Variants in DISC1 observed in about 807,000 individuals in gnomAD.
DISC1 encodes disrupted in schizophrenia 1 protein.
DISC1 carries 57 observed loss-of-function variants against 84.5 expected under a neutral mutation model. The observed-to-expected ratio is 0.67, with a 90% confidence interval of 0.55 to 0.84. The LOEUF (loss-of-function observed/expected upper bound fraction) is 0.84, where lower values mean the gene tolerates loss of function less well. Among genes scored for constraint, DISC1 ranks in the 40% least tolerant of loss-of-function variants. The pLI is 0.00. For synonymous variants in DISC1, 411 were observed against 415.2 expected, an observed-to-expected ratio of 0.99 and a Z score of 0.12; for missense variants, 1,000 against 1,057.8, an observed-to-expected ratio of 0.95 and a Z score of 0.76.
intron 9 of DISC1, among the ~76,000 whole-genome samples, chr1:231,908,715 T>C (rs1044985363): frequency 2.0e-5 from 3 of 152,200 alleles, no homozygotes; most frequent in Non-Finnish European, 4.4e-5. Flanking sequence ...AGAAAGTCAT[T>C]GGTAGCTTGA....
At position 231,694,047 on chromosome 1, in the gene DISC1, A is replaced by G; in HGVS notation, c.289A>G (p.Ser97Gly). The G allele has an allele frequency of 6.2e-7, 1 of 1,614,126 alleles. No homozygotes were observed. Among genetic ancestry groups the G allele is most frequent in the Non-Finnish European group, 8.5e-7 (1 of 1,180,010 alleles). Residue 97 changes from serine (S) to glycine (G), a missense_variant, in exon 2 of 13, where the codon AGC (serine) becomes GGC (glycine). By Grantham distance (56) the Ser-to-Gly change is moderately conservative. Transcript: ENST00000439617. Reference sequence around the variant, plus strand: ...TGACTCGAGAGGCCTCTTGGTCCGGAGCCCTGTTTCCAAGAGTGCAGCAGC... The same window carrying G: ...TGACTCGAGAGGCCTCTTGGTCCGGGGCCCTGTTTCCAAGAGTGCAGCAGC... ...GLDSRGLLVR[S>G]PVSKSAAAPT... is the part of the protein sequence containing the mutation.
intron 7 of DISC1, among the ~76,000 whole-genome samples, chr1:231,798,497 G>T (rs560997587): frequency 1.3e-5 from 2 of 152,156 alleles, no homozygotes; most frequent in Non-Finnish European, 2.9e-5. Flanking sequence ...ACATAGACTG[G>T]ATGAGACATA....
intron 10 of DISC1, among the ~76,000 whole-genome samples, chr1:231,974,894 A>C (rs1662561399): frequency 6.6e-6 from 1 of 152,144 alleles, no homozygotes; most frequent in Non-Finnish European, 1.5e-5. Flanking sequence ...AGGTCAAGAG[A>C]TCAAGACCAT....
chr1:231,866,963 C>G (rs759667906), intron 9 of DISC1, among the ~76,000 whole-genome samples: 2 of 152,216 alleles, frequency 1.3e-5, no homozygotes, highest in Non-Finnish European at 2.9e-5. Context: ...CCTCATTTAT[C>G]ACCTCGGGAT....
chr1:231,956,885 T>G (rs748744802), intron 9 of DISC1, among the ~76,000 whole-genome samples: 22 of 152,186 alleles, frequency 1.4e-4, no homozygotes, highest in Non-Finnish European at 2.8e-4. Context: ...TGGCTTGGGC[T>G]TCCTCACAAA....
chr1:232,007,767 G>A (rs1667634794), intron 10 of DISC1, among the ~76,000 whole-genome samples: 1 of 152,170 alleles, frequency 6.6e-6, no homozygotes, highest in African/African-American at 2.4e-5. Context: ...AGATTTGAGA[G>A]GGGCTGGGGT....
chr1:231,745,724 T>C (rs1009704417), intron 3 of DISC1, among the ~76,000 whole-genome samples: 1 of 152,202 alleles, frequency 6.6e-6, no homozygotes, highest in Non-Finnish European at 1.5e-5. Context: ...CAGCCTCTAA[T>C]ATCCTCTATC....
At position 231,800,306 on chromosome 1, in the gene DISC1, A is replaced by ATTATG. The variant is rs1452560525; in HGVS notation, c.1792+98_1792+102dup. On this transcript the variant is annotated intron_variant, in intron 8 of 12. Transcript: ENST00000439617. ...TGTCCTCGATGAACATTCCACTGTT[A>ATTATG]TTATGTCATTCTCAGACATCTGAAA... 3 of 969,542 alleles carry ATTATG rather than the reference A, an allele frequency of 3.1e-6. No homozygotes were observed. In the African/African-American group the frequency reaches 4.8e-5, roughly 16 times the overall value. 60.1% of individuals were successfully genotyped at this position (969,542 alleles called of 1,614,324 possible). A position where few individuals can be genotyped will look rare whatever the true frequency, so the allele number is the denominator to read the frequency against.
intron 9 of DISC1, among the ~76,000 whole-genome samples, chr1:231,890,400 C>T (rs2087113121): frequency 6.6e-6 from 1 of 151,996 alleles, no homozygotes; most frequent in Non-Finnish European, 1.5e-5. Context: ...TTTCGTAAAG[C>T]AAAAATAAAG....
At chr1:231,738,679 T>C (rs1214351359) in intron 3 of DISC1, among the ~76,000 whole-genome samples, 1 of 152,186 alleles carries the variant, frequency 6.6e-6, no homozygotes, top group Non-Finnish European at 1.5e-5. Flanking sequence ...ATCTAAATAG[T>C]ATGTTGTGGG....
At chr1:232,017,063 A>G (rs984006863) in intron 11 of DISC1, among the ~76,000 whole-genome samples, 5 of 152,218 alleles carry the variant, frequency 3.3e-5, no homozygotes, top group African/African-American at 1.2e-4. Flanking sequence ...TGTTGTGGGC[A>G]GGCATTTGTT....
At chr1:231,860,338 T>A (rs1231510208) in intron 9 of DISC1, among the ~76,000 whole-genome samples, 1 of 148,408 alleles carries the variant, frequency 6.7e-6, no homozygotes, top group Non-Finnish European at 1.5e-5. Context: ...AGATCTAGGA[T>A]TTTTTTTTGA....
chr1:231,998,439 A>T lies in DISC1; in HGVS notation c.2043-10346A>T, dbSNP rs544473718. On this transcript the variant is annotated intron_variant, in intron 10 of 12. Coordinates refer to ENST00000439617, the MANE Select transcript of DISC1 (RefSeq NM_018662.3). ...GCAAAACAGGATAGAAAAAAAGGTG[A>T]TGGGCATACCTCAATAGGTTGTAAT... is the stretch of plus-strand genomic sequence containing the variant. Among the ~76,000 whole-genome samples the T allele has an allele frequency of 2.0e-5, 3 of 152,312 alleles. No homozygotes were observed. The South Asian group carries it at 6.2e-4, about 32-fold the overall frequency.
chr1:232,003,464 TAAAAC>T (rs1305199862), intron 10 of DISC1, among the ~76,000 whole-genome samples: 1 of 151,996 alleles, frequency 6.6e-6, no homozygotes, highest in Non-Finnish European at 1.5e-5. Context: ...CTGAGACTCA[TAAAAC>T]AACCAATAAA....
rs115091844 is a variant in DISC1 at position 231,774,642 on chromosome 1, G to A, written c.1634+3572G>A. ...AGCTTCCTTTCTTCCACCGTAGGGA[G>A]GTGAGGCATCAGACTGCTCCCTGCC... is the stretch of plus-strand genomic sequence containing the variant. On this transcript the variant is annotated intron_variant, in intron 6 of 12. Coordinates refer to ENST00000439617, the MANE Select transcript of DISC1 (RefSeq NM_018662.3). The A allele has an allele frequency of 2.0e-3, 911 of 454,964 alleles. 6 individuals are homozygous for A. Among genetic ancestry groups the A allele is most frequent in the African/African-American group, 0.017 (858 of 50,166 alleles). 28.2% of individuals were successfully genotyped at this position (454,964 alleles called of 1,614,324 possible).
chr1:231,762,514 GTTTT>G (rs752334318), intron 4 of DISC1, among the ~76,000 whole-genome samples: 2 of 52,808 alleles, frequency 3.8e-5, no homozygotes, highest in Non-Finnish European at 9.3e-5. Flanking sequence ...GTTTTGTTTT[GTTTT>G]TTTTTTTTTT....
intron 11 of DISC1, among the ~76,000 whole-genome samples, chr1:232,017,420 GCCC>G (rs1435874886): frequency 6.7e-6 from 1 of 150,126 alleles, no homozygotes; most frequent in African/African-American, 2.5e-5. Context: ...TACTGCTATA[GCCC>G]CAAAATATGT....
intron 3 of DISC1, among the ~76,000 whole-genome samples, chr1:231,740,235 T>C (rs2073072287): frequency 1.3e-5 from 2 of 152,036 alleles, no homozygotes; most frequent in South Asian, 4.2e-4. Context: ...GACAAGGAGG[T>C]CTCTGATGCA....
At chr1:232,033,402 A>G (rs1670234872) in intron 12 of DISC1, among the ~76,000 whole-genome samples, 1 of 152,148 alleles carries the variant, frequency 6.6e-6, no homozygotes, top group African/African-American at 2.4e-5. Flanking sequence ...GTGGTCTCCT[A>G]ACTGGTCACT....
Sources: gnomAD v4.1 joint callset for allele counts (sites outside exome capture counted in the v4.1 genomes callset) on GRCh38, gnomAD v4.1.1 for gene constraint, MANE v1.5 for transcripts, NCBI Gene and HGNC (gene_info 2026-07-23, HGNC 2026-07-21) for gene names.